Variants in PLA2G4E observed in about 807,000 individuals in gnomAD.
The protein encoded by PLA2G4E is phospholipase A2 group IVE.
Under a neutral mutation model 109.1 loss-of-function variants are expected in PLA2G4E, and 84 were observed. The ratio of observed to expected loss-of-function variants is 0.77; its 90% confidence interval spans 0.65 to 0.92. The LOEUF (loss-of-function observed/expected upper bound fraction) is 0.92, where lower values mean the gene tolerates loss of function less well. PLA2G4E is among the 40% of genes least tolerant of loss of function. PLA2G4E has a pLI of 0.00. For missense variants in PLA2G4E, 1,057 were observed against 1,076.6 expected (o/e 0.98, Z 0.25); for synonymous variants, 469 against 436.1 (o/e 1.08, Z -0.94).
At chr15:42,010,142 C>CCCCCCCCCCCCCCCCCCCCCCCCCCCCCG in intron 2 of PLA2G4E, 1 of 454,256 alleles carries the variant, frequency 2.2e-6, no homozygotes, top group Non-Finnish European at 4.4e-6. Context: ...GCCCCCCCAC[C>CCCCCCCCCCCCCCCCCCCCCCCCCCCCCG]CCGGGCCTGG....
At position 42,013,669 on chromosome 15, in the gene PLA2G4E, T is replaced by A; in HGVS notation, c.256+16A>T. 1 of 1,545,682 alleles carries A rather than the reference T, an allele frequency of 6.5e-7. No individual in the cohort carries two copies. The highest frequency in any genetic ancestry group is 8.7e-7 in the Non-Finnish European group (1 of 1,143,010). On this transcript the variant is annotated intron_variant, in intron 2 of 19. Transcript: ENST00000399518. Reference sequence around the variant, plus strand: ...TCCGGTAAGCAGAGAAGGAGAGAAGTGAGGTGGATACTCACGCATATCAGC... The same window carrying A: ...TCCGGTAAGCAGAGAAGGAGAGAAGAGAGGTGGATACTCACGCATATCAGC...
intron 12 of PLA2G4E, among the ~76,000 whole-genome samples, chr15:41,994,316 G>A (rs2068302839): frequency 6.6e-6 from 1 of 151,706 alleles, no homozygotes; most frequent in Non-Finnish European, 1.5e-5. Context: ...GGGGGTGTGT[G>A]GCACAGGAGC....
chr15:42,042,392 A>G (rs1018952073), intron 1 of PLA2G4E, among the ~76,000 whole-genome samples: 3 of 151,818 alleles, frequency 2.0e-5, no homozygotes, highest in African/African-American at 4.8e-5. Flanking sequence ...TCTCTATTAC[A>G]TTTTTCAAAT....
At chr15:42,032,403 G>A (rs2141071802) in intron 1 of PLA2G4E, among the ~76,000 whole-genome samples, 1 of 152,348 alleles carries the variant, frequency 6.6e-6, no homozygotes, top group East Asian at 1.9e-4. Context: ...GGGAAGGGGA[G>A]GCAGAAGGGG....
At chr15:41,990,474 G>A (rs551189924) in intron 13 of PLA2G4E, among the ~76,000 whole-genome samples, 2 of 152,236 alleles carry the variant, frequency 1.3e-5, no homozygotes, top group Admixed American at 1.3e-4. Context: ...CCGCAGTTTA[G>A]GACAGTCTCT....
intron 2 of PLA2G4E, among the ~76,000 whole-genome samples, chr15:42,012,617 C>A (rs975989702): frequency 6.6e-6 from 1 of 152,164 alleles, no homozygotes; most frequent in African/African-American, 2.4e-5. Flanking sequence ...TCTCAGACCC[C>A]AGGCTCTCTG....
At chr15:42,043,067 G>A (rs1889343806) in intron 1 of PLA2G4E, among the ~76,000 whole-genome samples, 4 of 152,216 alleles carry the variant, frequency 2.6e-5, no homozygotes. Context: ...TATGCAAGGG[G>A]TTCCTGCCTG....
chr15:42,029,960 A>C (rs532505166), intron 1 of PLA2G4E, among the ~76,000 whole-genome samples: 1 of 152,318 alleles, frequency 6.6e-6, no homozygotes, highest in South Asian at 2.1e-4. Flanking sequence ...ATATGAGAAG[A>C]GAGGTAAAAA....
intron 17 of PLA2G4E, among the ~76,000 whole-genome samples, chr15:41,986,604 A>G (rs1019362616): frequency 1.0e-4 from 15 of 149,828 alleles, no homozygotes; most frequent in African/African-American, 3.7e-4. Context: ...TGCAGCCTTG[A>G]CCTCCTGGGC....
intron 13 of PLA2G4E, among the ~76,000 whole-genome samples, chr15:41,991,558 G>C (rs1188219915): frequency 2.0e-5 from 3 of 152,266 alleles, no homozygotes; most frequent in East Asian, 3.9e-4. Context: ...AGGGCCTGGG[G>C]TTGGAAGCCA....
At chr15:41,998,343 A>G (rs2068374339) in intron 10 of PLA2G4E, 3 of 152,300 alleles carry the variant, frequency 2.0e-5, no homozygotes, top group South Asian at 2.1e-4. Flanking sequence ...AATAATAACA[A>G]TAACATTAGC....
At chr15:42,039,434 T>C (rs1411211360) in intron 1 of PLA2G4E, among the ~76,000 whole-genome samples, 1 of 152,194 alleles carries the variant, frequency 6.6e-6, no homozygotes, top group Admixed American at 6.5e-5. Context: ...CTTTTGTTAA[T>C]GGTGTGATAC....
intron 4 of PLA2G4E, 107 bp from the exon 5 acceptor site, chr15:42,005,085 C>T: frequency 1.5e-6 from 2 of 1,316,924 alleles, no homozygotes; most frequent in African/African-American, 1.5e-5. Context: ...TCCGTCCTTC[C>T]CCCACAGCTG....
chr15:41,998,309 A>T (rs1393566262), intron 10 of PLA2G4E: 3 of 152,222 alleles, frequency 2.0e-5, no homozygotes, highest in Non-Finnish European at 4.4e-5. Context: ...CTCAACAGGG[A>T]ATGAATAATA....
At chr15:42,000,338 A>C in intron 7 of PLA2G4E, 56 bp from the exon 8 acceptor site, 1 of 1,474,580 alleles carries the variant, frequency 6.8e-7, no homozygotes, top group East Asian at 2.5e-5. Flanking sequence ...CCCACCTGCA[A>C]CTTGGTCCAG....
exon 14 of PLA2G4E, chr15:41,990,190 C>G: frequency 6.2e-7 from 1 of 1,613,630 alleles, no homozygotes; most frequent in Non-Finnish European, 8.5e-7. Context: ...GGGTTCTGGC[C>G]GCAGCTCAAA....
intron 13 of PLA2G4E, among the ~76,000 whole-genome samples, chr15:41,992,412 G>A (rs1261927595): frequency 2.6e-5 from 4 of 152,148 alleles, no homozygotes; most frequent in Admixed American, 2.0e-4. Context: ...GCTTCATGGC[G>A]TCACTGCTCT....
chr15:42,010,202 G>C (rs756496954), intron 2 of PLA2G4E: 1 of 527,882 alleles, frequency 1.9e-6, no homozygotes, highest in Admixed American at 2.0e-5. Context: ...TGCAGGCAGG[G>C]TGCCAGCTCT....
At chr15:42,041,933 G>A (rs1889322725) in intron 1 of PLA2G4E, among the ~76,000 whole-genome samples, 1 of 152,170 alleles carries the variant, frequency 6.6e-6, no homozygotes, top group Non-Finnish European at 1.5e-5. Context: ...ACAAATGATG[G>A]GGGTCTGTCT....
Sources: gnomAD v4.1 joint callset for allele counts (sites outside exome capture counted in the v4.1 genomes callset) on GRCh38, gnomAD v4.1.1 for gene constraint, MANE v1.5 for transcripts, NCBI Gene and HGNC (gene_info 2026-07-23, HGNC 2026-07-21) for gene names.